DNER: variants seen among roughly 807,000 people sequenced by gnomAD.
DNER encodes delta and Notch-like epidermal growth factor-related receptor.
In DNER, 33 loss-of-function variants were observed where a neutral mutation model predicts 78.2. That is an observed-to-expected ratio of 0.42 (90% CI 0.32 to 0.56). The LOEUF is 0.56. Among genes scored for constraint, DNER ranks in the 20% least tolerant of loss-of-function variants. The pLI is 0.11. For synonymous variants in DNER, 417 were observed against 384.8 expected (o/e 1.08, Z -0.98); for missense variants, 918 against 975.3 (o/e 0.94, Z 0.78).
chr2:229,640,724 G>T (rs532915617), intron 1 of DNER, among the ~76,000 whole-genome samples: 8 of 152,322 alleles, frequency 5.3e-5, no homozygotes, highest in Non-Finnish European at 8.8e-5. Flanking sequence ...GTTCACTGGA[G>T]CCATGAATGG....
intron 1 of DNER, among the ~76,000 whole-genome samples, chr2:229,683,428 A>G (rs1280119027): frequency 1.3e-5 from 2 of 152,224 alleles, no homozygotes; most frequent in Non-Finnish European, 2.9e-5. Flanking sequence ...ATAAATTGTG[A>G]ATGTCAAAGA....
At chr2:229,489,847 C>T (rs763991506) in intron 6 of DNER, among the ~76,000 whole-genome samples, 1 of 152,186 alleles carries the variant, frequency 6.6e-6, no homozygotes, top group Non-Finnish European at 1.5e-5. Context: ...CCCTCGAAAT[C>T]AGTGAGAAGG....
intron 8 of DNER, among the ~76,000 whole-genome samples, chr2:229,443,772 G>A (rs1261352974): frequency 2.0e-5 from 3 of 152,266 alleles, no homozygotes; most frequent in Non-Finnish European, 4.4e-5. Flanking sequence ...ACCTATTCTC[G>A]TGAGATTCTT....
chr2:229,458,355 G>T (rs903877554), intron 7 of DNER, among the ~76,000 whole-genome samples: 1 of 151,768 alleles, frequency 6.6e-6, no homozygotes, highest in Non-Finnish European at 1.5e-5. Flanking sequence ...CGCCTAATAA[G>T]AGAGCTTCAA....
intron 10 of DNER, among the ~76,000 whole-genome samples, chr2:229,399,035 T>C (rs1693208889): frequency 6.6e-6 from 1 of 152,028 alleles, no homozygotes; most frequent in Non-Finnish European, 1.5e-5. Flanking sequence ...ATGTCTGCTC[T>C]TACTGAACCT....
In DNER at chr2:229,470,671, G is replaced by A. The variant is rs930028661; in HGVS notation, c.1261+6469C>T. Reference sequence around the variant, plus strand: ...TTGAGACCAGCCTGGCCAACATGGTGAAACCCCGTCTCTACTAAAAATACA... The same window carrying A: ...TTGAGACCAGCCTGGCCAACATGGTAAAACCCCGTCTCTACTAAAAATACA... On this transcript the variant is annotated intron_variant, in intron 7 of 12. Coordinates refer to ENST00000341772, the MANE Select transcript of DNER (RefSeq NM_139072.4). Among the ~76,000 whole-genome samples the A allele has an allele frequency of 2.0e-5, 3 of 152,224 alleles. No individual in the cohort carries two copies. In the East Asian group the frequency reaches 5.8e-4, roughly 29 times the overall value.
intron 5 of DNER, among the ~76,000 whole-genome samples, chr2:229,528,912 G>C (rs72983898): frequency 0.082 from 12,441 of 152,240 alleles, 662 homozygotes; most frequent in East Asian, 0.14. Context: ...CATGTCCCGG[G>C]GCTGTGGCAG....
chr2:229,500,454 T>G (rs1305766364), intron 6 of DNER, among the ~76,000 whole-genome samples: 1 of 152,186 alleles, frequency 6.6e-6, no homozygotes, highest in African/African-American at 2.4e-5. Context: ...GTAGTGTAAC[T>G]ATTATGAAAA....
At chr2:229,711,038 A>G (rs755728236) in intron 1 of DNER, among the ~76,000 whole-genome samples, 5 of 151,120 alleles carry the variant, frequency 3.3e-5, no homozygotes, top group Non-Finnish European at 4.4e-5. Context: ...AAAAAGGTTT[A>G]CTGCTGACAT....
intron 5 of DNER, among the ~76,000 whole-genome samples, chr2:229,534,342 A>T (rs1195303153): frequency 2.6e-5 from 4 of 152,028 alleles, no homozygotes. Flanking sequence ...AATGTAACAG[A>T]CCAATAGATT....
chr2:229,678,369 C>A (rs1055493761), intron 1 of DNER, among the ~76,000 whole-genome samples: 1 of 152,214 alleles, frequency 6.6e-6, no homozygotes, highest in Non-Finnish European at 1.5e-5. Context: ...AGAACCCATG[C>A]ATCATGAATT....
At chr2:229,481,009 G>A (rs1695146485) in intron 6 of DNER, among the ~76,000 whole-genome samples, 1 of 152,182 alleles carries the variant, frequency 6.6e-6, no homozygotes, top group Admixed American at 6.5e-5. Context: ...AGGCAGGGGT[G>A]AGATCACGGG....
At chr2:229,569,613 A>T (rs1697179666) in intron 4 of DNER, among the ~76,000 whole-genome samples, 1 of 152,246 alleles carries the variant, frequency 6.6e-6, no homozygotes, top group South Asian at 2.1e-4. Context: ...ATCTTCTGAT[A>T]TACTTTAAAT....
intron 5 of DNER, among the ~76,000 whole-genome samples, chr2:229,517,203 C>T (rs1390325505): frequency 2.0e-5 from 3 of 151,716 alleles, no homozygotes; most frequent in Admixed American, 6.6e-5. Context: ...GTCCTTTCAA[C>T]CAATGTGTAT....
chr2:229,679,089 C>T (rs1187946880), intron 1 of DNER, among the ~76,000 whole-genome samples: 1 of 152,180 alleles, frequency 6.6e-6, no homozygotes, highest in Non-Finnish European at 1.5e-5. Context: ...CTCCCAGAGG[C>T]CCTGTAGACA....
In DNER at chr2:229,591,888, G is replaced by C. The variant is rs1163236968; in HGVS notation, c.277C>G (p.Leu93Val). The C allele has an allele frequency of 3.9e-6, 6 of 1,553,338 alleles. No individual in the cohort carries two copies. ...PAGISGANCQ[L>V]VADPCASNPC... The stretch of plus-strand genomic sequence containing the variant: ...TTGCTGGCACAAGGATCTGCAACAA[G>C]CTGAAACGAGACCATAAATGGGTCA... Residue 93 changes from leucine to valine, a missense_variant and splice_region_variant, in exon 2 of 13, where the codon CTT (leucine) becomes GTT (valine). Leu to Val is a conservative substitution (Grantham distance 32). Coordinates refer to ENST00000341772, the MANE Select transcript of DNER (RefSeq NM_139072.4). This position sits in a 1 kb window ranked among gnomAD's most constrained non-coding sequence, Gnocchi z 4.6.
chr2:229,467,706 T>A (rs1694833176), intron 7 of DNER, among the ~76,000 whole-genome samples: 1 of 152,256 alleles, frequency 6.6e-6, no homozygotes, highest in Non-Finnish European at 1.5e-5. Flanking sequence ...GGTATTTATA[T>A]TTCTATCGTA....
At chr2:229,643,339 A>T (rs975501003) in intron 1 of DNER, among the ~76,000 whole-genome samples, 1 of 152,184 alleles carries the variant, frequency 6.6e-6, no homozygotes, top group African/African-American at 2.4e-5. Flanking sequence ...CTGTGATGAC[A>T]CCTATCTTAA....
chr2:229,375,838 C>A (rs999988071), intron 11 of DNER, among the ~76,000 whole-genome samples: 3 of 152,162 alleles, frequency 2.0e-5, no homozygotes, highest in East Asian at 1.9e-4. Context: ...TGTCCCCACC[C>A]AAATCTCATC....
Sources: gnomAD v4.1 joint callset for allele counts (sites outside exome capture counted in the v4.1 genomes callset) on GRCh38, gnomAD v4.1.1 for gene constraint, Gnocchi (gnomAD v3.1) non-coding constraint, MANE v1.5 for transcripts, NCBI Gene and HGNC (gene_info 2026-07-23, HGNC 2026-07-21) for gene names.